Variants in PCDHA3 observed in about 807,000 individuals in gnomAD.
PCDHA3 encodes the protein protocadherin alpha-3.
A neutral mutation model predicts 62.2 loss-of-function variants in PCDHA3; 41 were observed. That is an observed-to-expected ratio of 0.66 (90% CI 0.51 to 0.86). The LOEUF is 0.86. Ranked by LOEUF, PCDHA3 falls within the 40% of genes least tolerant of loss-of-function variation. The pLI is 0.00. For missense variants in PCDHA3, 1,304 were observed against 1,241.2 expected (o/e 1.05, Z -0.76); for synonymous variants, 640 against 555.4 (o/e 1.15, Z -2.14).
At chr5:141,005,313 T>C (rs1157761147) in intron 3 of PCDHA3, among the ~76,000 whole-genome samples, 1 of 151,958 alleles carries the variant, frequency 6.6e-6, no homozygotes, top group Non-Finnish European at 1.5e-5. Flanking sequence ...AATCTTACAG[T>C]GGTAGAGAAT....
chr5:140,899,846 C>T (rs1554188760), intron 1 of PCDHA3, among the ~76,000 whole-genome samples: 1 of 152,142 alleles, frequency 6.6e-6, no homozygotes, highest in African/African-American at 2.4e-5. Flanking sequence ...CTTGCTGTGT[C>T]ACCCAGGCTG....
intron 1 of PCDHA3, chr5:140,829,797 G>C: frequency 6.2e-7 from 1 of 1,613,852 alleles, no homozygotes; most frequent in Admixed American, 1.7e-5. Flanking sequence ...CTGGCGCCTC[G>C]GGTGGGTGGT....
chr5:140,983,282 G>A (rs1030439196), intron 3 of PCDHA3, among the ~76,000 whole-genome samples: 1 of 152,152 alleles, frequency 6.6e-6, no homozygotes, highest in Non-Finnish European at 1.5e-5. Context: ...GTGAGTATAG[G>A]AAAATTGCTT....
intron 1 of PCDHA3, chr5:140,858,297 A>T: frequency 1.3e-6 from 2 of 1,597,406 alleles, no homozygotes; most frequent in Non-Finnish European, 1.7e-6. Context: ...TCTTACTCGC[A>T]GCAGAGGCGG....
At chr5:140,854,493 T>C (rs990142871) in intron 1 of PCDHA3, 1 of 149,954 alleles carries the variant, frequency 6.7e-6, no homozygotes, top group African/African-American at 2.4e-5. Flanking sequence ...CAGAATTTAG[T>C]AGGACACATA....
chr5:140,907,139 T>C (rs2073191409), intron 1 of PCDHA3, among the ~76,000 whole-genome samples: 1 of 152,148 alleles, frequency 6.6e-6, no homozygotes, highest in African/African-American at 2.4e-5. Context: ...GAATTCCGGC[T>C]ATGGGAGAAA....
At chr5:140,821,907 T>A in intron 1 of PCDHA3, 1 of 1,614,212 alleles carries the variant, frequency 6.2e-7, no homozygotes, top group Non-Finnish European at 8.5e-7. Flanking sequence ...GAACCTTCGT[T>A]GGCCGCATCG....
intron 1 of PCDHA3, chr5:140,967,797 C>T: frequency 6.2e-7 from 1 of 1,614,184 alleles, no homozygotes; most frequent in East Asian, 2.2e-5. Flanking sequence ...GGTCCAGTGC[C>T]CATGGCAGGT....
intron 1 of PCDHA3, chr5:140,875,283 C>G (rs1554167582): frequency 7.3e-7 from 1 of 1,362,346 alleles, no homozygotes; most frequent in Non-Finnish European, 9.6e-7. Context: ...GAAGGTGAAA[C>G]AGGAAAATTT....
intron 1 of PCDHA3, chr5:140,825,029 A>C (rs1043200115): frequency 2.6e-5 from 4 of 152,092 alleles, no homozygotes; most frequent in Non-Finnish European, 4.4e-5. Context: ...AAAAGAATAC[A>C]GTTAAATTTT....
At chr5:140,822,974 TC>T in intron 1 of PCDHA3, 1 of 1,614,226 alleles carries the variant, frequency 6.2e-7, no homozygotes, top group Admixed American at 1.7e-5. Flanking sequence ...GTGTCCACCT[TC>T]AAGAATTACT....
rs1554135637 is a variant in PCDHA3, at chr5:140,836,136, G to A, written c.2394+32545G>A. The A allele has an allele frequency of 1.2e-6, 2 of 1,613,670 alleles. No individual in the cohort carries two copies. The highest frequency in any genetic ancestry group is 1.7e-5 in the Admixed American group (1 of 59,996). ...AGTGAGAGAGCTTGTGCCGCGGTCT[G>A]TGGGCGCGGGCCATGTGGTGGCGAA... On this transcript the variant is annotated intron_variant, in intron 1 of 3. Transcript: ENST00000522353.
In PCDHA3 at chr5:141,010,099, G is replaced by T; in HGVS notation, c.*162G>T. 5 of 1,612,768 alleles carry T rather than the reference G, an allele frequency of 3.1e-6. No individual in the cohort carries two copies. The highest frequency in any genetic ancestry group is 4.2e-6 in the Non-Finnish European group (5 of 1,179,316). On this transcript the variant is annotated 3_prime_UTR_variant, in exon 4 of 4. Coordinates refer to ENST00000522353, the MANE Select transcript of PCDHA3 (RefSeq NM_018906.3). ...GTGTCTGTCTAGAACGCATTTAACA[G>T]GTTTTGTCGTAAAAGCTTTACTAAG...
chr5:140,854,041 AG>A (rs2042955652), intron 1 of PCDHA3: 1 of 283,480 alleles, frequency 3.5e-6, no homozygotes, highest in Non-Finnish European at 5.5e-6. Flanking sequence ...ACACATCTCT[AG>A]TCCCAATTAC....
At chr5:140,974,804 A>G (rs2096641388) in intron 1 of PCDHA3, among the ~76,000 whole-genome samples, 1 of 152,204 alleles carries the variant, frequency 6.6e-6, no homozygotes, top group Non-Finnish European at 1.5e-5. Context: ...TTGATATACT[A>G]GAAGACCAAT....
chr5:140,876,723 C>T (rs782820769), intron 1 of PCDHA3: 2 of 1,614,130 alleles, frequency 1.2e-6, no homozygotes, highest in African/African-American at 1.3e-5. Flanking sequence ...ACCGCGAGAG[C>T]GTGTCGGCCT....
intron 1 of PCDHA3, chr5:140,877,012 A>G: frequency 6.2e-7 from 1 of 1,612,352 alleles, no homozygotes; most frequent in Non-Finnish European, 8.5e-7. Flanking sequence ...GCACGCGGAG[A>G]GCGGCAAGGT....
At chr5:140,901,666 T>C (rs539450371) in intron 1 of PCDHA3, among the ~76,000 whole-genome samples, 12 of 152,346 alleles carry the variant, frequency 7.9e-5, no homozygotes, top group African/African-American at 2.6e-4. Context: ...TTGCTCAAGA[T>C]ACCTTTAGGT....
At chr5:140,914,606 C>A (rs1212372337) in intron 1 of PCDHA3, among the ~76,000 whole-genome samples, 2 of 152,072 alleles carry the variant, frequency 1.3e-5, no homozygotes, top group Admixed American at 6.5e-5. Context: ...CTTCCTCCTG[C>A]CATTTTGTAA....
Sources: allele counts gnomAD v4.1 joint callset (sites outside exome capture counted in the v4.1 genomes callset), GRCh38; gene constraint gnomAD v4.1.1; transcripts MANE v1.5; gene names NCBI Gene and HGNC (gene_info 2026-07-23, HGNC 2026-07-21).